The following SOX5 variants were observed in gnomAD, a reference collection of about 807,000 sequenced individuals.
SOX5 encodes SRY-box transcription factor 5.
A neutral mutation model predicts 92.0 loss-of-function variants in SOX5; 9 were observed. The ratio of observed to expected loss-of-function variants is 0.10; its 90% confidence interval spans 0.06 to 0.17. SOX5 has a LOEUF of 0.17. Among genes scored for constraint, SOX5 ranks in the 10% least tolerant of loss-of-function variants. The pLI is 1.00. For missense variants in SOX5, 642 were observed against 944.5 expected, an observed-to-expected ratio of 0.68 and a Z score of 4.20; for synonymous variants, 344 against 336.3, an observed-to-expected ratio of 1.02 and a Z score of -0.25.
chr12:23,793,635 T>TA (rs1299626862), intron 3 of SOX5, among the ~76,000 whole-genome samples: 1 of 152,208 alleles, frequency 6.6e-6, no homozygotes, highest in African/African-American at 2.4e-5. Context: ...GTGTGAAGAT[T>TA]AAGCAAAATA....
chr12:24,374,323 C>T (rs1957027772), intron 1 of SOX5, among the ~76,000 whole-genome samples: 1 of 151,924 alleles, frequency 6.6e-6, no homozygotes, highest in Admixed American at 6.6e-5. Context: ...TCTGGGAATC[C>T]CTGTTTTTAG....
intron 4 of SOX5, among the ~76,000 whole-genome samples, chr12:23,750,172 T>C (rs1260324846): frequency 6.6e-6 from 1 of 151,942 alleles, no homozygotes; most frequent in African/African-American, 2.4e-5. Context: ...AGAAGTTAAG[T>C]TCAAATTTTG....
intron 11 of SOX5, among the ~76,000 whole-genome samples, chr12:23,550,898 T>C (rs943294409): frequency 6.6e-6 from 1 of 151,914 alleles, no homozygotes; most frequent in Non-Finnish European, 1.5e-5. Context: ...ACTTTAGAGG[T>C]AGATATTTCC....
chr12:23,532,195 C>G lies in SOX5; in HGVS notation c.*2024G>C, dbSNP rs1939240102. The G allele has an allele frequency of 6.6e-6, 1 of 151,496 alleles. No individual in the cohort carries two copies. Among genetic ancestry groups the G allele is most frequent in the Non-Finnish European group, 1.5e-5 (1 of 67,866 alleles). 9.4% of individuals were successfully genotyped at this position (151,496 alleles called of 1,614,324 possible). A position where few individuals can be genotyped will look rare whatever the true frequency, so the allele number is the denominator to read the frequency against. ...CAAATGTAAATAAAGTCATCAAAAA[C>G]AAACAAACAGAAAAACAAACAAAAT... On this transcript the variant is annotated 3_prime_UTR_variant, in exon 15 of 15. Transcript: ENST00000451604.
chr12:23,806,311 C>A (rs939952439), intron 3 of SOX5, among the ~76,000 whole-genome samples: 1 of 152,232 alleles, frequency 6.6e-6, no homozygotes, highest in African/African-American at 2.4e-5. Context: ...TAAAGGACAA[C>A]CCTGCCTAAC....
At chr12:23,623,266 TTAAG>T (rs1246733924) in intron 8 of SOX5, among the ~76,000 whole-genome samples, 4 of 152,154 alleles carry the variant, frequency 2.6e-5, no homozygotes, top group Admixed American at 6.6e-5. Context: ...CATAAAGCAT[TTAAG>T]TATTATTATA....
chr12:24,537,364 G>A (rs1597724362), intron 1 of SOX5, among the ~76,000 whole-genome samples: 1 of 152,196 alleles, frequency 6.6e-6, no homozygotes, highest in East Asian at 1.9e-4. Flanking sequence ...TTTGAAGGCA[G>A]AGTCAGTGTT....
intron 1 of SOX5, among the ~76,000 whole-genome samples, chr12:24,459,041 G>A (rs1052109321): frequency 5.3e-5 from 8 of 152,100 alleles, no homozygotes; most frequent in African/African-American, 1.4e-4. Context: ...ACCTGATCCC[G>A]ACCAAAACTC....
At position 23,554,580 on chromosome 12, in the gene SOX5, G is replaced by C. The variant is rs555926804; in HGVS notation, c.1489-8156C>G. On this transcript the variant is annotated intron_variant, in intron 11 of 14. Transcript: ENST00000451604. ...AAAATTGTTTTAAACAAAGAATACT[G>C]TTCTATTTACATTACAGAGTGAGAA... Among the ~76,000 whole-genome samples, 12 of 152,184 alleles carry C rather than the reference G, an allele frequency of 7.9e-5. No individual in the cohort carries two copies. The South Asian group carries it at 2.5e-3, about 32-fold the overall frequency.
intron 3 of SOX5, among the ~76,000 whole-genome samples, chr12:24,248,220 G>A (rs1939283124): frequency 6.6e-6 from 1 of 152,148 alleles, no homozygotes; most frequent in Non-Finnish European, 1.5e-5. Context: ...GCAGAAGAGA[G>A]CCTGATTTGG....
At chr12:23,990,602 T>C (rs41514348) in intron 4 of SOX5, among the ~76,000 whole-genome samples, 6,119 of 152,284 alleles carry the variant, frequency 0.04, 150 homozygotes, top group African/African-American at 0.074. Context: ...AATTGTTTCA[T>C]GCCAAGAAAG....
At chr12:24,508,214 G>T (rs928580327) in intron 1 of SOX5, among the ~76,000 whole-genome samples, 1 of 152,166 alleles carries the variant, frequency 6.6e-6, no homozygotes, top group Non-Finnish European at 1.5e-5. Context: ...GCCCTGTGCA[G>T]AGTGGGTTTC....
intron 2 of SOX5, among the ~76,000 whole-genome samples, chr12:23,889,943 T>G (rs1399419933): frequency 1.3e-5 from 2 of 152,210 alleles, no homozygotes; most frequent in African/African-American, 2.4e-5. Flanking sequence ...GATCTTTATA[T>G]GTTAAAAAAT....
intron 4 of SOX5, among the ~76,000 whole-genome samples, chr12:23,986,348 A>G (rs1312994897): frequency 6.6e-6 from 1 of 152,138 alleles, no homozygotes; most frequent in Non-Finnish European, 1.5e-5. Flanking sequence ...GCAGGGAAAC[A>G]AACAAACAAA....
At chr12:23,625,880 T>C (rs571650915) in intron 8 of SOX5, among the ~76,000 whole-genome samples, 3 of 152,302 alleles carry the variant, frequency 2.0e-5, no homozygotes, top group Admixed American at 6.5e-5. Flanking sequence ...GTGTTGGGAT[T>C]ACAGGCATGA....
intron 3 of SOX5, among the ~76,000 whole-genome samples, chr12:24,229,133 G>A (rs1337979170): frequency 1.3e-5 from 2 of 152,344 alleles, no homozygotes; most frequent in East Asian, 1.9e-4. Flanking sequence ...GATGGCACAC[G>A]TTTTGTACAC....
At chr12:23,599,171 G>A (rs146088500) in intron 9 of SOX5, among the ~76,000 whole-genome samples, 125 of 152,240 alleles carry the variant, frequency 8.2e-4, no homozygotes, top group African/African-American at 2.8e-3. Context: ...GTACCACATC[G>A]GGCAAAATCT....
chr12:24,054,934 T>C (rs1957952264), intron 4 of SOX5, among the ~76,000 whole-genome samples: 3 of 152,074 alleles, frequency 2.0e-5, no homozygotes, highest in Admixed American at 2.0e-4. Context: ...GTGAGGCGCG[T>C]GGAAACTGAG....
At chr12:23,659,666 A>AT (rs1400488025) in intron 7 of SOX5, among the ~76,000 whole-genome samples, 5 of 152,180 alleles carry the variant, frequency 3.3e-5, no homozygotes, top group Non-Finnish European at 7.3e-5. Flanking sequence ...CAAGTAAAAA[A>AT]CAACAACAGA....
Sources: allele counts gnomAD v4.1 joint callset (sites outside exome capture counted in the v4.1 genomes callset), GRCh38; gene constraint gnomAD v4.1.1; transcripts MANE v1.5; gene names NCBI Gene and HGNC (gene_info 2026-07-23, HGNC 2026-07-21).